AMPD2: variants seen among roughly 807,000 people sequenced by gnomAD.
The protein encoded by AMPD2 is AMP deaminase 2.
Under a neutral mutation model 91.3 loss-of-function variants are expected in AMPD2, and 52 were observed. The observed-to-expected ratio is 0.57, with a 90% confidence interval of 0.46 to 0.72. AMPD2 has a LOEUF of 0.72. Ranked by LOEUF, AMPD2 falls within the 30% of genes least tolerant of loss-of-function variation. AMPD2 has a pLI of 0.00. For synonymous variants in AMPD2, 455 were observed against 456.4 expected, an observed-to-expected ratio of 1.00 and a Z score of 0.04; for missense variants, 822 against 1,122.3, an observed-to-expected ratio of 0.73 and a Z score of 3.82.
At chr1:109,627,958 C>T in intron 10 of AMPD2, 55 bp downstream of exon 10, 2 of 1,609,800 alleles carry the variant, frequency 1.2e-6, no homozygotes, top group Non-Finnish European at 8.5e-7. Context: ...CTCTGCCCAG[C>T]CTCCCCTTCA....
Position 109,621,050 on chromosome 1 carries a change from A to C in AMPD2, c.-126A>C. 6.2e-7 allele frequency: 1 copy of C among 1,605,428 alleles called. No homozygotes were observed. The highest frequency in any genetic ancestry group is 8.5e-7 in the Non-Finnish European group (1 of 1,176,378). ...TGGCCAGGGCCTCTTCCGCCTGCGGAGCCGCTGCTTCCTGCATCAGTCACT... is the reference window on the plus strand; with the variant it reads ...TGGCCAGGGCCTCTTCCGCCTGCGGCGCCGCTGCTTCCTGCATCAGTCACT... On this transcript the variant is annotated 5_prime_UTR_variant, in exon 2 of 19. Coordinates refer to ENST00000528667, the MANE Select transcript of AMPD2 (RefSeq NM_001368809.2).
rs187135584 is a variant in AMPD2 at position 109,621,454 on chromosome 1, G to A, written c.91+188G>A. 2.2e-3 allele frequency: 1,512 copies of A among 679,920 alleles called. 10 individuals carry two copies. Among genetic ancestry groups the A allele is most frequent in the Non-Finnish European group, 3.1e-3 (1,153 of 377,378 alleles). The allele number at this position is 679,920 out of a possible 1,614,324, so 42.1% of individuals were successfully genotyped here. A position where few individuals can be genotyped will look rare whatever the true frequency, so the allele number is the denominator to read the frequency against. On this transcript the variant is annotated intron_variant, in intron 2 of 18. Transcript: ENST00000528667. ...TGAGGGGTGGTGGGGGGCGGGGGGT[G>A]GATCTGAGATATCTGTGCCAGGGAT...
chr1:109,621,439 T>TGGGG (rs1553228294), intron 2 of AMPD2, 173 bp downstream of exon 2: 2 of 123,416 alleles, frequency 1.6e-5, no homozygotes, highest in Non-Finnish European at 3.3e-5. Flanking sequence ...TGAGGGGTGG[T>TGGGG]GGGGGGCGGG....
chr1:109,626,499 T>C, intron 6 of AMPD2, 72 bp downstream of exon 6: 3 of 1,429,496 alleles, frequency 2.1e-6, no homozygotes, highest in South Asian at 2.7e-5. Context: ...CCTGGAGAGC[T>C]GGGGGTGGGG....
At chr1:109,626,992 C>T (rs1650746380) in intron 7 of AMPD2, 80 bp downstream of exon 7, 1 of 1,553,778 alleles carries the variant, frequency 6.4e-7, no homozygotes, top group Non-Finnish European at 8.7e-7. Flanking sequence ...CACCTCTGCC[C>T]TGCCTGCCTC....
intron 2 of AMPD2, among the ~76,000 whole-genome samples, chr1:109,621,855 T>C (rs1042942289): frequency 1.3e-5 from 2 of 152,240 alleles, no homozygotes; most frequent in African/African-American, 4.8e-5. Context: ...GGGGTGTCCT[T>C]GGTCAGGTCC....
rs1650144862 is a variant in AMPD2, at chr1:109,620,421, G to C, written c.-263+143G>C. The C allele has an allele frequency of 5.1e-6, 7 of 1,382,404 alleles. No homozygotes were observed. In the South Asian group the frequency reaches 9.2e-5, roughly 18 times the overall value. 85.6% of individuals were successfully genotyped at this position (1,382,404 alleles called of 1,614,324 possible). A position where few individuals can be genotyped will look rare whatever the true frequency, so the allele number is the denominator to read the frequency against. On this transcript the variant is annotated intron_variant, in intron 1 of 18. Coordinates refer to ENST00000528667, the MANE Select transcript of AMPD2 (RefSeq NM_001368809.2). ...TCCTCCCAGGAGGGCCTGGGGAGCA[G>C]AGCCAGAGTGTGCAGAGACAGAGGA...
Position 109,624,042 on chromosome 1 carries a change from C to A in AMPD2, c.92-1261C>A. ...GGCTGCAGCTTCACTGGCAAACAGGCGGGCAAGGGGCACAGGGCTGCTGGC... is the reference window on the plus strand; with the variant it reads ...GGCTGCAGCTTCACTGGCAAACAGGAGGGCAAGGGGCACAGGGCTGCTGGC... On this transcript the variant is annotated intron_variant, in intron 2 of 18. Transcript: ENST00000528667. The surrounding 1 kb of genome is among the most constrained non-coding windows in gnomAD (Gnocchi z 5.2). The A allele has an allele frequency of 1.0e-6, 1 of 985,614 alleles. No homozygotes were observed. 61.1% of individuals were successfully genotyped at this position (985,614 alleles called of 1,614,324 possible).
chr1:109,631,015 G>A lies in AMPD2; in HGVS notation c.2341G>A (p.Val781Met). The A allele has an allele frequency of 6.2e-7, 1 of 1,614,204 alleles. No homozygotes were observed. The highest frequency in any genetic ancestry group is 8.5e-7 in the Non-Finnish European group (1 of 1,180,042). Reference sequence around the variant, plus strand: ...GGGGAATGACATCCGCCGGACCAATGTGCCAGACATCCGCGTGGGCTACCG... The same window carrying A: ...GGGGAATGACATCCGCCGGACCAATATGCCAGACATCCGCGTGGGCTACCG... ...PEGNDIRRTN[V>M]PDIRVGYRYE... The change falls in exon 19 of 19, where the codon GTG becomes ATG. Residue 781 changes from valine (V) to methionine (M), a missense_variant. Val to Met is a conservative substitution (Grantham distance 21). This residue lies in a region of AMPD2 where 430 missense variants were observed against 606.0 expected (regional missense o/e 0.71). Coordinates refer to ENST00000528667, the MANE Select transcript of AMPD2 (RefSeq NM_001368809.2).
chr1:109,627,374 G>A, intron 8 of AMPD2, 55 bp from the exon 9 acceptor site: 1 of 1,613,614 alleles, frequency 6.2e-7, no homozygotes, highest in South Asian at 1.1e-5. Flanking sequence ...CGTTGGCTTG[G>A]GAGAGGCCAC....
rs1438071720 is a variant in AMPD2, at chr1:109,624,664, G to C, written c.92-639G>C. Reference sequence around the variant, plus strand: ...GGGCGGGCCTCCAGGGAGGAGGTAGGGTTCCCTTGCCAACCAGGCCCTCCA... The same window carrying C: ...GGGCGGGCCTCCAGGGAGGAGGTAGCGTTCCCTTGCCAACCAGGCCCTCCA... On this transcript the variant is annotated intron_variant, in intron 2 of 18. Transcript: ENST00000528667. The surrounding 1 kb of genome is among the most constrained non-coding windows in gnomAD (Gnocchi z 5.2). 6.6e-6 allele frequency among the ~76,000 whole-genome samples: 1 copy of C among 152,160 alleles called. No individual in the cohort carries two copies. The highest frequency in any genetic ancestry group is 1.5e-5 in the Non-Finnish European group (1 of 67,998).
chr1:109,626,142 C>A lies in AMPD2; in HGVS notation c.354-18C>A. On this transcript the variant is annotated intron_variant, in intron 4 of 18. Coordinates refer to ENST00000528667, the MANE Select transcript of AMPD2 (RefSeq NM_001368809.2). ...GTCCCTCGGGATCTGCCTGACTTCT[C>A]ACCCCTCTTGCCTCTAGGCTGGAGC... is the stretch of plus-strand genomic sequence containing the variant. 2 of 1,614,014 alleles carry A rather than the reference C, an allele frequency of 1.2e-6. No individual in the cohort carries two copies. The highest frequency in any genetic ancestry group is 1.1e-5 in the South Asian group (1 of 91,030).
rs1268944882 is a variant in AMPD2, at chr1:109,625,570, G to C, written c.223-92G>C. On this transcript the variant is annotated intron_variant, in intron 3 of 18. Coordinates refer to ENST00000528667, the MANE Select transcript of AMPD2 (RefSeq NM_001368809.2). The surrounding 1 kb of genome is among the most constrained non-coding windows in gnomAD (Gnocchi z 4.0). ...TCCTCAGCCTCTCCCAGGTACCCCT[G>C]GTCCTGCTGCCCTCACCCCATCCCC... is the stretch of plus-strand genomic sequence containing the variant. The C allele has an allele frequency of 8.8e-6, 14 of 1,596,390 alleles. No homozygotes were observed. The Admixed American group carries it at 2.2e-4, about 25-fold the overall frequency.
At chr1:109,622,996 T>G (rs563516815) in intron 2 of AMPD2, among the ~76,000 whole-genome samples, 1 of 152,122 alleles carries the variant, frequency 6.6e-6, no homozygotes, top group Non-Finnish European at 1.5e-5. Context: ...AAGTAAGAGA[T>G]AGAGTCACCC....
chr1:109,625,575 T>C lies in AMPD2; in HGVS notation c.223-87T>C. The stretch of plus-strand genomic sequence containing the variant: ...AGCCTCTCCCAGGTACCCCTGGTCC[T>C]GCTGCCCTCACCCCATCCCCAGACT... On this transcript the variant is annotated intron_variant, in intron 3 of 18. Transcript: ENST00000528667. This position sits in a 1 kb window ranked among gnomAD's most constrained non-coding sequence, Gnocchi z 4.0. 1.9e-6 allele frequency: 3 copies of C among 1,597,792 alleles called. No individual in the cohort carries two copies. The highest frequency in any genetic ancestry group is 1.1e-5 in the South Asian group (1 of 89,872).
chr1:109,620,253 TC>T lies in AMPD2; in HGVS notation c.-287del. ...CAGACTTCTCGTGGGCAGCCTCCCC[TC>T]GGAACTCGGGCATCATGGCCTCAGG... On this transcript the variant is annotated 5_prime_UTR_variant, in exon 1 of 19. Coordinates refer to ENST00000528667, the MANE Select transcript of AMPD2 (RefSeq NM_001368809.2). The T allele has an allele frequency of 6.2e-7, 1 of 1,613,926 alleles. No homozygotes were observed. Among genetic ancestry groups the T allele is most frequent in the Non-Finnish European group, 8.5e-7 (1 of 1,179,944 alleles).
chr1:109,620,579 G>A, intron 1 of AMPD2: 1 of 1,240,854 alleles, frequency 8.1e-7, no homozygotes, highest in African/African-American at 1.6e-5. Flanking sequence ...CTCCTGGGCT[G>A]GGATTCTCGG....
At chr1:109,620,891 A>ACCCCCACCCCCCCCCC in intron 1 of AMPD2, 23 bp from the exon 2 acceptor site, 1 of 1,423,022 alleles carries the variant, frequency 7.0e-7, no homozygotes, top group Non-Finnish European at 9.2e-7. Flanking sequence ...TTTTCTACCC[A>ACCCCCACCCCCCCCCC]CCCCCTCCCC....
intron 15 of AMPD2, 115 bp downstream of exon 15, chr1:109,629,605 A>C (rs1651025599): frequency 6.8e-7 from 1 of 1,474,398 alleles, no homozygotes; most frequent in Admixed American, 1.8e-5. Context: ...CCTGGACTGG[A>C]TGGGTTCTTT....
Sources: allele counts gnomAD v4.1 joint callset (sites outside exome capture counted in the v4.1 genomes callset), GRCh38; gene constraint gnomAD v4.1.1; regional missense constraint gnomAD v4.1.1; non-coding constraint Gnocchi (gnomAD v3.1); transcripts MANE v1.5; gene names NCBI Gene and HGNC (gene_info 2026-07-23, HGNC 2026-07-21).